IL1RAPL2: variants seen among roughly 807,000 people sequenced by gnomAD.
The protein encoded by IL1RAPL2 is X-linked interleukin-1 receptor accessory protein-like 2.
A neutral mutation model predicts 44.1 loss-of-function variants in IL1RAPL2; 3 were observed. The ratio of observed to expected loss-of-function variants is 0.07; its 90% CI spans 0.03 to 0.18. The LOEUF is 0.18. Ranked by LOEUF, IL1RAPL2 falls within the 10% of genes least tolerant of loss-of-function variation. The pLI, the probability that IL1RAPL2 is intolerant of heterozygous loss-of-function variation, is 1.00. For missense variants in IL1RAPL2, 391 were observed against 496.4 expected (o/e 0.79, Z 2.02); for synonymous variants, 181 against 178.8 (o/e 1.01, Z -0.10).
intron 6 of IL1RAPL2, 62 bp downstream of exon 6, chrX:105,484,449 T>G (rs2036252713): frequency 1.3e-6 from 1 of 767,030 alleles, no homozygotes; most frequent in African/African-American, 2.1e-5. Context: ...ATGGGGAAAA[T>G]TGCATGAACC....
At chrX:104,869,264 G>C (rs1041137934) in intron 2 of IL1RAPL2, among the ~76,000 whole-genome samples, 1 of 110,908 alleles carries the variant, frequency 9.0e-6, no homozygotes, top group African/African-American at 3.3e-5. Context: ...AGTATACAAT[G>C]TGATGTTTGA....
chrX:104,677,556 C>A lies in IL1RAPL2; in HGVS notation c.82+18561C>A, dbSNP rs913455384. Among the ~76,000 whole-genome samples the A allele has an allele frequency of 1.2e-4, 14 of 112,305 alleles. No individual in the cohort carries two copies. In the East Asian group the frequency reaches 2.3e-3, roughly 18 times the overall value. On this transcript the variant is annotated intron_variant, in intron 2 of 10. Transcript: ENST00000372582. ...AGGTTACTGCTGTCTTTTTGTTTGT[C>A]TGTGCCCTGCCCCCAGAGGTGGAGC...
intron 1 of IL1RAPL2, among the ~76,000 whole-genome samples, chrX:104,639,249 A>C (rs894486238): frequency 4.5e-5 from 5 of 111,543 alleles, no homozygotes; most frequent in African/African-American, 1.6e-4. Flanking sequence ...TCAGTAGTAC[A>C]TGGCTTTTTA....
At chrX:105,489,682 TTTTCTTTC>T (rs1381169279) in intron 6 of IL1RAPL2, among the ~76,000 whole-genome samples, 1 of 109,589 alleles carries the variant, frequency 9.1e-6, no homozygotes, top group South Asian at 3.9e-4. Flanking sequence ...TTCTCTTTCT[TTTTCTTTC>T]TTTCTTTCTT....
At chrX:105,114,311 G>A (rs765843365) in intron 2 of IL1RAPL2, among the ~76,000 whole-genome samples, 5 of 112,167 alleles carry the variant, frequency 4.5e-5, no homozygotes, top group Admixed American at 9.4e-5. Flanking sequence ...CTGCCGAACT[G>A]TAAGAAATGA....
At chrX:105,324,150 G>A (rs1031889905) in intron 5 of IL1RAPL2, among the ~76,000 whole-genome samples, 2 of 110,947 alleles carry the variant, frequency 1.8e-5, no homozygotes, top group African/African-American at 3.3e-5. Context: ...CATCTAATGG[G>A]AGTGTGGGTG....
intron 1 of IL1RAPL2, among the ~76,000 whole-genome samples, chrX:104,644,497 A>G (rs1339256462): frequency 8.9e-6 from 1 of 111,748 alleles, no homozygotes; most frequent in Non-Finnish European, 1.9e-5. Context: ...TGAAGATCAG[A>G]AAATCCTCCC....
At chrX:105,581,883 TATC>T (rs77781954) in intron 6 of IL1RAPL2, among the ~76,000 whole-genome samples, 33,474 of 110,094 alleles carry the variant, frequency 0.3, 3,962 homozygotes, top group Middle Eastern at 0.36. Flanking sequence ...TTCCAATTAT[TATC>T]ATTTTATTTA....
At chrX:105,373,170 G>A (rs1338358376) in intron 5 of IL1RAPL2, among the ~76,000 whole-genome samples, 2 of 111,891 alleles carry the variant, frequency 1.8e-5, no homozygotes, top group South Asian at 7.4e-4. Context: ...TCATAATCTT[G>A]CCAGCATCTG....
intron 2 of IL1RAPL2, among the ~76,000 whole-genome samples, chrX:104,887,229 T>C (rs1378021833): frequency 2.7e-5 from 3 of 112,506 alleles, no homozygotes; most frequent in Non-Finnish European, 3.8e-5. Context: ...AATACTCATC[T>C]AGTAGAATGG....
At chrX:105,591,740 T>A (rs1450411377) in intron 6 of IL1RAPL2, among the ~76,000 whole-genome samples, 1 of 112,124 alleles carries the variant, frequency 8.9e-6, no homozygotes, top group Non-Finnish European at 1.9e-5. Flanking sequence ...AGCAATCTTC[T>A]TTGTACTGAT....
At chrX:105,258,613 C>A (rs1157925322) in intron 4 of IL1RAPL2, among the ~76,000 whole-genome samples, 1 of 111,946 alleles carries the variant, frequency 8.9e-6, no homozygotes, top group Non-Finnish European at 1.9e-5. Context: ...ATATTTCTTG[C>A]ATGTTTTGTT....
chrX:105,487,381 C>CTA (rs1318030469), intron 6 of IL1RAPL2, among the ~76,000 whole-genome samples: 15 of 111,542 alleles, frequency 1.3e-4, no homozygotes, highest in Middle Eastern at 4.3e-3. Context: ...TGCCAAAATA[C>CTA]CCTACCAAGT....
intron 5 of IL1RAPL2, among the ~76,000 whole-genome samples, chrX:105,457,498 T>A (rs1162586758): frequency 9.1e-6 from 1 of 110,437 alleles, no homozygotes; most frequent in African/African-American, 3.3e-5. Flanking sequence ...AGTGTAATCA[T>A]ACAATATTTG....
At chrX:104,963,024 C>G (rs777748325) in intron 2 of IL1RAPL2, among the ~76,000 whole-genome samples, 7 of 111,836 alleles carry the variant, frequency 6.3e-5, no homozygotes, top group African/African-American at 2.3e-4. Flanking sequence ...TAATAGTAAC[C>G]AGTTCGTCCC....
chrX:105,742,625 C>T (rs1419576603), intron 8 of IL1RAPL2, among the ~76,000 whole-genome samples: 1 of 111,322 alleles, frequency 9.0e-6, no homozygotes, highest in Non-Finnish European at 1.9e-5. Context: ...TCTCATCTTC[C>T]AAATATTTAA....
intron 5 of IL1RAPL2, among the ~76,000 whole-genome samples, chrX:105,397,390 A>G (rs1339414581): frequency 9.0e-6 from 1 of 110,629 alleles, no homozygotes; most frequent in African/African-American, 3.3e-5. Context: ...TTACAACTTC[A>G]AGGAAGTTTT....
At chrX:104,738,755 C>T (rs1431577314) in intron 2 of IL1RAPL2, among the ~76,000 whole-genome samples, 1 of 110,904 alleles carries the variant, frequency 9.0e-6, no homozygotes, top group East Asian at 2.9e-4. Flanking sequence ...GCCTGGTCAA[C>T]GTGGTGAGAC....
intron 6 of IL1RAPL2, among the ~76,000 whole-genome samples, chrX:105,647,226 G>T (rs1175094866): frequency 8.9e-6 from 1 of 112,081 alleles, no homozygotes; most frequent in Non-Finnish European, 1.9e-5. Context: ...CCAGCGATGG[G>T]TCTGTGACAA....
Sources: gnomAD v4.1 joint callset for allele counts (sites outside exome capture counted in the v4.1 genomes callset) on GRCh38, gnomAD v4.1.1 for gene constraint, MANE v1.5 for transcripts, NCBI Gene and HGNC (gene_info 2026-07-23, HGNC 2026-07-21) for gene names.